Variants in SH3GLB1 observed in about 807,000 individuals in gnomAD.
The protein encoded by SH3GLB1 is endophilin-B1.
A neutral mutation model predicts 42.0 loss-of-function variants in SH3GLB1; 17 were observed. The ratio of observed to expected loss-of-function variants is 0.40; its 90% CI spans 0.28 to 0.61. The LOEUF is 0.61. Ranked by LOEUF, SH3GLB1 falls within the 20% of genes least tolerant of loss-of-function variation. The pLI, the probability that SH3GLB1 is intolerant of heterozygous loss-of-function variation, is 0.36. For missense variants in SH3GLB1, 355 were observed against 426.3 expected (o/e 0.83, Z 1.47); for synonymous variants, 132 against 146.6 (o/e 0.90, Z 0.72).
intron 5 of SH3GLB1, 59 bp from the exon 6 acceptor site, chr1:86,734,543 A>T: frequency 2.5e-6 from 3 of 1,214,190 alleles, no homozygotes; most frequent in East Asian, 4.8e-5. Context: ...TCTAAAATAA[A>T]TGTATATAAG....
At chr1:86,726,246 T>C (rs1164501461) in intron 5 of SH3GLB1, among the ~76,000 whole-genome samples, 1 of 152,090 alleles carries the variant, frequency 6.6e-6, no homozygotes, top group East Asian at 1.9e-4. Flanking sequence ...CAAAACTTTG[T>C]TTAAAAAGCA....
At position 86,719,748 on chromosome 1, in the gene SH3GLB1, C is replaced by G. The variant is rs1006323731; in HGVS notation, c.343+113C>G. ...CAGTGGCTCACACCTGTAATCCCAG[C>G]ACTTTGGGTGGTTGAGGTGGGCGGA... On this transcript the variant is annotated intron_variant, in intron 3 of 8. Transcript: ENST00000370558. 3.7e-6 allele frequency: 4 copies of G among 1,073,030 alleles called. No individual in the cohort carries two copies. In the African/African-American group the frequency reaches 6.6e-5, roughly 18 times the overall value. The allele number at this position is 1,073,030 out of a possible 1,614,324, so 66.5% of individuals were successfully genotyped here. A position where few individuals can be genotyped will look rare whatever the true frequency, so the allele number is the denominator to read the frequency against.
intron 5 of SH3GLB1, among the ~76,000 whole-genome samples, chr1:86,727,656 C>T (rs1451128886): frequency 6.6e-6 from 1 of 152,028 alleles, no homozygotes; most frequent in Non-Finnish European, 1.5e-5. Context: ...AAGGCACCTA[C>T]ATTTACGAAT....
intron 8 of SH3GLB1, among the ~76,000 whole-genome samples, chr1:86,742,884 A>G (rs1469904649): frequency 6.6e-6 from 1 of 152,096 alleles, no homozygotes; most frequent in Non-Finnish European, 1.5e-5. Context: ...TCGTTTGAAC[A>G]CGAAAGGTCA....
chr1:86,742,137 G>A (rs1002647235), intron 7 of SH3GLB1, 71 bp from the exon 8 acceptor site: 17 of 1,068,904 alleles, frequency 1.6e-5, no homozygotes, highest in Non-Finnish European at 2.3e-5. Flanking sequence ...AGTAAACAGC[G>A]CCACCGAGTG....
At chr1:86,715,688 C>T in intron 1 of SH3GLB1, 36 bp from the exon 2 acceptor site, 3 of 1,554,302 alleles carry the variant, frequency 1.9e-6, no homozygotes, top group Non-Finnish European at 1.7e-6. Context: ...AATTTATTTG[C>T]AGTATATTTA....
At chr1:86,742,528 G>A in intron 8 of SH3GLB1, 92 bp downstream of exon 8, 6 of 863,716 alleles carry the variant, frequency 6.9e-6, no homozygotes, top group South Asian at 1.8e-5. Flanking sequence ...TTAGTTATTT[G>A]GAAATGGTTT....
At chr1:86,721,944 C>A (rs1306854575) in intron 3 of SH3GLB1, among the ~76,000 whole-genome samples, 3 of 150,266 alleles carry the variant, frequency 2.0e-5, no homozygotes, top group African/African-American at 7.4e-5. Flanking sequence ...AGTTGTTATG[C>A]TGTATTTTTT....
At chr1:86,719,821 C>G (rs1654761903) in intron 3 of SH3GLB1, among the ~76,000 whole-genome samples, 186 bp downstream of exon 3, 1 of 151,526 alleles carries the variant, frequency 6.6e-6, no homozygotes, top group Non-Finnish European at 1.5e-5. Context: ...TGGTGAAACC[C>G]CGTCTCTACT....
At chr1:86,714,549 A>C (rs979251003) in intron 1 of SH3GLB1, among the ~76,000 whole-genome samples, 2 of 152,236 alleles carry the variant, frequency 1.3e-5, no homozygotes, top group African/African-American at 4.8e-5. Flanking sequence ...GAAGTCTAAG[A>C]ATAGAATTCT....
intron 8 of SH3GLB1, 24 bp from the exon 9 acceptor site, chr1:86,743,104 A>T: frequency 6.4e-7 from 1 of 1,557,370 alleles, no homozygotes; most frequent in Non-Finnish European, 8.8e-7. Flanking sequence ...TGTAGTTAAT[A>T]ACTGGAAGTA....
At chr1:86,711,467 T>C (rs1197636982) in intron 1 of SH3GLB1, among the ~76,000 whole-genome samples, 1 of 152,140 alleles carries the variant, frequency 6.6e-6, no homozygotes, top group Admixed American at 6.5e-5. Context: ...AGGTATCAAA[T>C]TATATTTTAG....
chr1:86,718,612 G>A (rs1221448791), intron 2 of SH3GLB1, among the ~76,000 whole-genome samples: 4 of 152,042 alleles, frequency 2.6e-5, no homozygotes, highest in African/African-American at 9.7e-5. Flanking sequence ...CGCATGCGTA[G>A]GAATCTATGT....
In SH3GLB1 at chr1:86,743,277, T is replaced by A; in HGVS notation, c.*42T>A. ...AAGGTTGCCCATCATGACTTTGTAT[T>A]TATATACAATTAACTCTAAATAAAG... On this transcript the variant is annotated 3_prime_UTR_variant, in exon 9 of 9. Transcript: ENST00000370558. 2 of 1,302,926 alleles carry A rather than the reference T, an allele frequency of 1.5e-6. No individual in the cohort carries two copies. The highest frequency in any genetic ancestry group is 2.1e-6 in the Non-Finnish European group (2 of 933,732). 80.7% of individuals were successfully genotyped at this position (1,302,926 alleles called of 1,614,324 possible). A position where few individuals can be genotyped will look rare whatever the true frequency, so the allele number is the denominator to read the frequency against.
chr1:86,740,150 CAAA>C (rs35758882), intron 7 of SH3GLB1, among the ~76,000 whole-genome samples: 1 of 141,562 alleles, frequency 7.1e-6, no homozygotes, highest in Non-Finnish European at 1.6e-5. Context: ...ACTCCTGTAT[CAAA>C]AAAAAAAAAA....
intron 7 of SH3GLB1, 147 bp from the exon 8 acceptor site, chr1:86,742,061 G>A (rs1656082922): frequency 1.6e-6 from 1 of 607,098 alleles, no homozygotes; most frequent in African/African-American, 1.9e-5. Flanking sequence ...AAGGAAGATA[G>A]ATATACTTTG....
chr1:86,724,912 TAA>T lies in SH3GLB1; in HGVS notation c.570+510_570+511del, dbSNP rs375596882. On this transcript the variant is annotated intron_variant, in intron 5 of 8. Transcript: ENST00000370558. Reference sequence around the variant, plus strand: ...AAAAAAATATATATATATATATATATAAAATATATAATATATATGTGTGTGTA... The same window carrying T: ...AAAAAAATATATATATATATATATATAATATATAATATATATGTGTGTGTA... Among the ~76,000 whole-genome samples the T allele has an allele frequency of 3.0e-3, 375 of 123,112 alleles. 16 individuals carry two copies. Among genetic ancestry groups the T allele is most frequent in the African/African-American group, 0.012 (340 of 27,792 alleles). 80.8% of individuals were successfully genotyped at this position (123,112 alleles called of 152,430 possible).
intron 5 of SH3GLB1, among the ~76,000 whole-genome samples, chr1:86,732,223 C>T (rs1400180979): frequency 6.6e-6 from 1 of 152,206 alleles, no homozygotes; most frequent in Non-Finnish European, 1.5e-5. Context: ...GATACCCAAT[C>T]TTGATATCGT....
intron 3 of SH3GLB1, among the ~76,000 whole-genome samples, chr1:86,720,958 T>C (rs76482357): frequency 6.6e-6 from 1 of 152,240 alleles, no homozygotes; most frequent in African/African-American, 2.4e-5. Context: ...AAAAATGTTA[T>C]ACATTAAACA....
Sources: gnomAD v4.1 joint callset for allele counts (sites outside exome capture counted in the v4.1 genomes callset) on GRCh38, gnomAD v4.1.1 for gene constraint, MANE v1.5 for transcripts, NCBI Gene and HGNC (gene_info 2026-07-23, HGNC 2026-07-21) for gene names.